The following CAPN8 variants were observed in gnomAD, a reference collection of about 807,000 sequenced individuals.
CAPN8 encodes calpain-8.
Under a neutral mutation model 80.9 loss-of-function variants are expected in CAPN8, and 87 were observed. The observed-to-expected ratio is 1.07, with a 90% CI of 0.90 to 1.28. The LOEUF is 1.28. Among genes scored for constraint, CAPN8 ranks in the 50% most tolerant of loss-of-function variants. The probability of loss-of-function intolerance (pLI) is 0.00; values close to 1 mark genes in which losing one functional copy is unlikely to be tolerated. For missense variants in CAPN8, 757 were observed against 702.0 expected (o/e 1.08, Z -0.89); for synonymous variants, 299 against 273.8 (o/e 1.09, Z -0.91).
At chr1:223,656,668 G>GTTGTTTT (rs1658497061) in intron 1 of CAPN8, among the ~76,000 whole-genome samples, 1 of 94,798 alleles carries the variant, frequency 1.1e-5, no homozygotes, top group African/African-American at 3.7e-5. Context: ...CACGTTTTGG[G>GTTGTTTT]TTTTTTTGTT....
intron 2 of CAPN8, chr1:223,642,779 A>T: frequency 2.2e-6 from 1 of 455,562 alleles, no homozygotes; most frequent in South Asian, 1.6e-5. Context: ...ATTATTTCAG[A>T]GTTCCTCCTA....
At chr1:223,660,425 G>A (rs1658614028) in intron 1 of CAPN8, among the ~76,000 whole-genome samples, 1 of 152,198 alleles carries the variant, frequency 6.6e-6, no homozygotes, top group South Asian at 2.1e-4. Flanking sequence ...GCTGTTTGTG[G>A]TAGGATTGTT....
At chr1:223,551,789 G>A (rs934836297) in intron 14 of CAPN8, among the ~76,000 whole-genome samples, 4 of 152,200 alleles carry the variant, frequency 2.6e-5, no homozygotes, top group Admixed American at 2.0e-4. Flanking sequence ...TTCATGTGAC[G>A]TAATTGCTTG....
chr1:223,543,343 C>T (rs1421076497), intron 19 of CAPN8, among the ~76,000 whole-genome samples, 177 bp from the exon 20 acceptor site: 1 of 151,606 alleles, frequency 6.6e-6, no homozygotes, highest in East Asian at 1.9e-4. Flanking sequence ...ATCCAGGGCA[C>T]ACAATGAGCT....
intron 14 of CAPN8, among the ~76,000 whole-genome samples, chr1:223,553,626 T>C (rs987392783): frequency 2.0e-5 from 3 of 152,162 alleles, no homozygotes; most frequent in Admixed American, 6.5e-5. Flanking sequence ...GCAAGATAAG[T>C]AGCCTCAGGA....
chr1:223,552,485 A>G (rs1187099595), intron 14 of CAPN8, among the ~76,000 whole-genome samples: 1 of 141,320 alleles, frequency 7.1e-6, no homozygotes, highest in Non-Finnish European at 1.5e-5. Flanking sequence ...AATCGCTTGA[A>G]CCCGGGAAGC....
intron 13 of CAPN8, among the ~76,000 whole-genome samples, chr1:223,555,090 A>G (rs1048911597): frequency 5.9e-5 from 9 of 152,256 alleles, no homozygotes; most frequent in South Asian, 4.1e-4. Context: ...TAACCACTGT[A>G]GTAATAATAC....
chr1:223,654,698 C>G (rs1015396409), intron 1 of CAPN8, among the ~76,000 whole-genome samples: 4 of 152,156 alleles, frequency 2.6e-5, no homozygotes, highest in African/African-American at 9.6e-5. Flanking sequence ...GTTTTTGAGA[C>G]AGCGTCTCGC....
At chr1:223,649,831 G>A (rs1658298192) in intron 2 of CAPN8, among the ~76,000 whole-genome samples, 2 of 152,136 alleles carry the variant, frequency 1.3e-5, no homozygotes, top group South Asian at 4.1e-4. Context: ...CAGGCACCGT[G>A]GATATATTGA....
intron 6 of CAPN8, 121 bp from the exon 7 acceptor site, chr1:223,623,021 T>C (rs989821791): frequency 9.7e-6 from 7 of 720,836 alleles, no homozygotes; most frequent in Non-Finnish European, 1.4e-5. Flanking sequence ...ACCACACTTT[T>C]ATTTTCCTTT....
At chr1:223,544,878 A>G (rs1656577578) in intron 17 of CAPN8, 28 bp from the exon 18 acceptor site, 2 of 1,551,466 alleles carry the variant, frequency 1.3e-6, no homozygotes, top group South Asian at 1.2e-5. Flanking sequence ...TCCCAAGTAG[A>G]AAACAACCAT....
intron 6 of CAPN8, among the ~76,000 whole-genome samples, chr1:223,623,382 T>C (rs1388950299): frequency 6.6e-6 from 1 of 152,096 alleles, no homozygotes; most frequent in Non-Finnish European, 1.5e-5. Context: ...ATTTCATAGC[T>C]CAAAAATCTG....
At chr1:223,634,882 G>T (rs1439987461) in intron 2 of CAPN8, among the ~76,000 whole-genome samples, 1 of 152,214 alleles carries the variant, frequency 6.6e-6, no homozygotes, top group African/African-American at 2.4e-5. Flanking sequence ...TCAGTGTATA[G>T]CACCACTCAA....
At chr1:223,615,089 C>A (rs922097258) in intron 10 of CAPN8, among the ~76,000 whole-genome samples, 6 of 152,232 alleles carry the variant, frequency 3.9e-5, no homozygotes, top group Non-Finnish European at 7.3e-5. Flanking sequence ...CAGATAGGAT[C>A]TCGACCATTG....
chr1:223,553,638 C>A (rs1241732733), intron 14 of CAPN8, among the ~76,000 whole-genome samples, 194 bp downstream of exon 14: 2 of 152,124 alleles, frequency 1.3e-5, no homozygotes, highest in African/African-American at 4.8e-5. Flanking sequence ...GCCTCAGGAC[C>A]AATTCCCAAG....
intron 7 of CAPN8, among the ~76,000 whole-genome samples, chr1:223,621,960 G>A (rs1161259984): frequency 3.3e-5 from 5 of 151,988 alleles, no homozygotes; most frequent in South Asian, 2.1e-4. Context: ...GGGTTCAAGC[G>A]ATTTCCAGCT....
In CAPN8 at chr1:223,614,191, G is replaced by A. The variant is rs185306300; in HGVS notation, c.1311+1779C>T. Among the ~76,000 whole-genome samples the A allele has an allele frequency of 6.3e-3, 960 of 152,294 alleles. 8 individuals carry two copies. The highest frequency in any genetic ancestry group is 0.012 in the Non-Finnish European group (799 of 68,014). ...AAGCGGGTGGATCACCTGAGGTCAG[G>A]AATTTGAGACCAGCCTGGCCAAAAT... On this transcript the variant is annotated intron_variant, in intron 10 of 20. Transcript: ENST00000366872.
At chr1:223,558,305 A>G (rs913243181) in intron 12 of CAPN8, 138 bp from the exon 13 acceptor site, 7,118 of 393,764 alleles carry the variant, frequency 0.018, 286 homozygotes, top group African/African-American at 0.11. Flanking sequence ...TAAAAACTGC[A>G]TAAACAGAAT....
intron 11 of CAPN8, among the ~76,000 whole-genome samples, chr1:223,610,336 T>G (rs1374331029): frequency 6.6e-6 from 1 of 152,158 alleles, no homozygotes; most frequent in African/African-American, 2.4e-5. Flanking sequence ...TAGTCAGGAC[T>G]CCACATAGAG....
Sources: allele counts gnomAD v4.1 joint callset (sites outside exome capture counted in the v4.1 genomes callset), GRCh38; gene constraint gnomAD v4.1.1; transcripts MANE v1.5; gene names NCBI Gene and HGNC (gene_info 2026-07-23, HGNC 2026-07-21).